The following CBLB variants were observed in gnomAD, a reference collection of about 807,000 sequenced individuals.
CBLB encodes the protein Cbl proto-oncogene B, also known as E3 ubiquitin-protein ligase CBL-B.
CBLB carries 31 observed loss-of-function variants against 104.9 expected under a neutral mutation model. The observed-to-expected ratio is 0.30, with a 90% CI of 0.22 to 0.40. The LOEUF is 0.40. Among genes scored for constraint, CBLB ranks in the 10% least tolerant of loss-of-function variants. The pLI, the probability that CBLB is intolerant of heterozygous loss-of-function variation, is 1.00. For missense variants in CBLB, 1,062 were observed against 1,214.6 expected (o/e 0.87, Z 1.87); for synonymous variants, 440 against 422.6 (o/e 1.04, Z -0.51).
At chr3:105,753,539 A>C (rs2076774868) in intron 4 of CBLB, among the ~76,000 whole-genome samples, 1 of 152,170 alleles carries the variant, frequency 6.6e-6, no homozygotes, top group Non-Finnish European at 1.5e-5. Context: ...AACACACAAA[A>C]GGGACATTGA....
intron 4 of CBLB, chr3:105,762,158 G>A (rs1465443560): frequency 1.3e-5 from 2 of 152,180 alleles, no homozygotes; most frequent in Non-Finnish European, 2.9e-5. Context: ...CATTCACAAA[G>A]ATATGATATG....
chr3:105,720,680 T>C (rs1157329855), intron 9 of CBLB, among the ~76,000 whole-genome samples: 1 of 152,132 alleles, frequency 6.6e-6, no homozygotes, highest in Non-Finnish European at 1.5e-5. Context: ...GTAGTATCGG[T>C]GAGAAAAATA....
At chr3:105,662,844 A>G (rs1376078612) in intron 18 of CBLB, among the ~76,000 whole-genome samples, 1 of 152,228 alleles carries the variant, frequency 6.6e-6, no homozygotes, top group African/African-American at 2.4e-5. Context: ...CTGAGCATAT[A>G]AAAGAAGAGA....
intron 3 of CBLB, among the ~76,000 whole-genome samples, chr3:105,838,160 G>A (rs1482621710): frequency 7.0e-6 from 1 of 141,848 alleles, no homozygotes; most frequent in Non-Finnish European, 1.5e-5. Context: ...TCAGCTCACA[G>A]TAGCCTCAAC....
At chr3:105,764,509 T>C (rs138661689) in intron 4 of CBLB, among the ~76,000 whole-genome samples, 1 of 152,260 alleles carries the variant, frequency 6.6e-6, no homozygotes, top group Non-Finnish European at 1.5e-5. Flanking sequence ...AACTTAATGG[T>C]ATATGTTCTC....
Position 105,702,191 on chromosome 3 carries a change from G to T in CBLB, c.1862C>A (p.Ala621Glu), listed in dbSNP as rs757777424. 1.2e-6 allele frequency: 2 copies of T among 1,614,044 alleles called. No homozygotes were observed. Among genetic ancestry groups the T allele is most frequent in the Non-Finnish European group, 1.7e-6 (2 of 1,179,992 alleles). The change falls in exon 12 of 19, where the codon GCG becomes GAG. Residue 621 changes from alanine to glutamate, a missense_variant. By Grantham distance (107) the Ala-to-Glu change is moderately radical. Transcript: ENST00000394030. ...GTGCCTTCCATTGACATTTGAACTC[G>T]CTGTGATTCCAGGTTTTGGAGAGCC... ...GEGSPKPGITASSNVNGRHSR... is the reference protein window; with the variant it reads ...GEGSPKPGITESSNVNGRHSR...
intron 3 of CBLB, among the ~76,000 whole-genome samples, chr3:105,792,810 A>C (rs2081836349): frequency 6.6e-6 from 1 of 152,158 alleles, no homozygotes; most frequent in Non-Finnish European, 1.5e-5. Context: ...AATCTCCATC[A>C]ATCACCATTA....
chr3:105,803,372 T>C (rs2083126825), intron 3 of CBLB, among the ~76,000 whole-genome samples: 1 of 152,198 alleles, frequency 6.6e-6, no homozygotes, highest in East Asian at 1.9e-4. Flanking sequence ...TCTCAGATTC[T>C]CCTCCGTAAG....
At chr3:105,816,869 C>A (rs567322246) in intron 3 of CBLB, among the ~76,000 whole-genome samples, 51 of 151,866 alleles carry the variant, frequency 3.4e-4, no homozygotes, top group African/African-American at 1.2e-3. Context: ...AGTGACAACT[C>A]CACCACAATT....
chr3:105,741,570 G>T (rs1186564100), intron 6 of CBLB, among the ~76,000 whole-genome samples: 1 of 152,104 alleles, frequency 6.6e-6, no homozygotes, highest in Non-Finnish European at 1.5e-5. Flanking sequence ...TAATTTTTTT[G>T]TATTTTTAGT....
chr3:105,698,529 G>A (rs570151540), intron 12 of CBLB, among the ~76,000 whole-genome samples: 1 of 148,990 alleles, frequency 6.7e-6, no homozygotes. Context: ...CTCTAAAATG[G>A]GAAGATGCTA....
At chr3:105,708,560 A>G (rs1167653841) in intron 10 of CBLB, among the ~76,000 whole-genome samples, 1 of 151,920 alleles carries the variant, frequency 6.6e-6, no homozygotes, top group African/African-American at 2.4e-5. Flanking sequence ...TTTGCATTTG[A>G]GTAATCATAT....
In CBLB at chr3:105,807,020, G is replaced by A. The variant is rs530170772; in HGVS notation, c.420-30478C>T. On this transcript the variant is annotated intron_variant, in intron 3 of 18. Transcript: ENST00000394030. ...ACAAGCTCTTTTAGGCCCACTCACC[G>A]CTATCTAACTATAGCAATAAGTTAA... 6.6e-5 allele frequency among the ~76,000 whole-genome samples: 10 copies of A among 152,216 alleles called. No homozygotes were observed. The South Asian group carries it at 1.2e-3, about 19-fold the overall frequency.
intron 8 of CBLB, 105 bp from the exon 9 acceptor site, chr3:105,734,245 A>C: frequency 8.9e-7 from 1 of 1,117,388 alleles, no homozygotes; most frequent in Non-Finnish European, 1.3e-6. Flanking sequence ...ATATCTCACA[A>C]TTGACCTTGT....
chr3:105,865,490 A>C (rs931189424), intron 2 of CBLB, among the ~76,000 whole-genome samples: 1 of 152,160 alleles, frequency 6.6e-6, no homozygotes, highest in African/African-American at 2.4e-5. Flanking sequence ...CAAGTTTCTC[A>C]ATTGGAGAGA....
chr3:105,762,994 C>T (rs900612983), intron 4 of CBLB, among the ~76,000 whole-genome samples: 13 of 152,196 alleles, frequency 8.5e-5, no homozygotes, highest in African/African-American at 2.7e-4. Context: ...CTTACAACAG[C>T]GTGCCCTGGA....
intron 18 of CBLB, among the ~76,000 whole-genome samples, chr3:105,663,300 A>C (rs959576517): frequency 1.3e-5 from 2 of 152,214 alleles, no homozygotes; most frequent in Admixed American, 6.5e-5. Flanking sequence ...TGTTTTAAGG[A>C]AAGGGTCTGA....
intron 18 of CBLB, among the ~76,000 whole-genome samples, chr3:105,668,341 C>T (rs534443524): frequency 1.3e-5 from 2 of 152,288 alleles, no homozygotes; most frequent in South Asian, 4.1e-4. Context: ...CTGGGCTCTA[C>T]AACACCCACT....
At chr3:105,762,961 C>T (rs2077810198) in intron 4 of CBLB, among the ~76,000 whole-genome samples, 1 of 152,214 alleles carries the variant, frequency 6.6e-6, no homozygotes, top group African/African-American at 2.4e-5. Flanking sequence ...GGTGGAGCTG[C>T]CCAAGAGCAT....
Sources: gnomAD v4.1 joint callset for allele counts (sites outside exome capture counted in the v4.1 genomes callset) on GRCh38, gnomAD v4.1.1 for gene constraint, MANE v1.5 for transcripts, NCBI Gene and HGNC (gene_info 2026-07-23, HGNC 2026-07-21) for gene names.